Variants in SHISA9 observed in about 807,000 individuals in gnomAD.
SHISA9 encodes the protein shisa family member 9, also known as protein shisa-9.
SHISA9 carries 13 observed loss-of-function variants against 38.0 expected under a neutral mutation model. The observed-to-expected ratio is 0.34, with a 90% CI of 0.22 to 0.54. SHISA9 has a LOEUF of 0.54. Among genes scored for constraint, SHISA9 ranks in the 20% least tolerant of loss-of-function variants. The pLI is 0.91. For missense variants in SHISA9, 538 were observed against 575.8 expected (o/e 0.93, Z 0.67); for synonymous variants, 275 against 242.0 (o/e 1.14, Z -1.27).
chr16:13,396,817 G>C, the SHISA9 span, among the ~76,000 whole-genome samples: 1 of 151,930 alleles, frequency 6.6e-6, no homozygotes, highest in Non-Finnish European at 1.5e-5. Flanking sequence ...GTGTCTGGGG[G>C]CACCCTCCCT....
intron 3 of SHISA9, among the ~76,000 whole-genome samples, chr16:13,205,206 G>A (rs1344362234): frequency 6.6e-6 from 1 of 152,224 alleles, no homozygotes; most frequent in Non-Finnish European, 1.5e-5. Flanking sequence ...AAAGCACTCT[G>A]TGGCTGTTTC....
the SHISA9 span, among the ~76,000 whole-genome samples, chr16:13,282,472 T>C: frequency 6.6e-6 from 1 of 152,040 alleles, no homozygotes; most frequent in Non-Finnish European, 1.5e-5. Context: ...TTCCTGAGTG[T>C]GGTTATATTT....
the SHISA9 span, among the ~76,000 whole-genome samples, chr16:13,295,984 G>A: frequency 6.6e-6 from 1 of 152,116 alleles, no homozygotes; most frequent in Non-Finnish European, 1.5e-5. Context: ...CTCTGTATAT[G>A]TCTATTAGCT....
At chr16:13,367,705 C>CGCGCGCGT in the SHISA9 span, among the ~76,000 whole-genome samples, 2 of 96,074 alleles carry the variant, frequency 2.1e-5, no homozygotes, top group African/African-American at 8.3e-5. Flanking sequence ...CGTGCGCGCG[C>CGCGCGCGT]GCGCGCGCAC....
intron 2 of SHISA9, among the ~76,000 whole-genome samples, chr16:13,112,270 T>C (rs538475500): frequency 2.6e-4 from 40 of 151,780 alleles, no homozygotes; most frequent in African/African-American, 9.0e-4. Flanking sequence ...ATTCAATGCA[T>C]ATTTGTTGAA....
intron 2 of SHISA9, among the ~76,000 whole-genome samples, chr16:13,187,380 G>A (rs12928835): frequency 0.12 from 16,707 of 141,558 alleles, 1,016 homozygotes; most frequent in Middle Eastern, 0.21. Flanking sequence ...TATCACCCAG[G>A]CTGGAGTGCA....
the SHISA9 span, among the ~76,000 whole-genome samples, chr16:13,482,970 A>G: frequency 6.6e-6 from 1 of 152,090 alleles, no homozygotes; most frequent in African/African-American, 2.4e-5. Context: ...TCGGAGAAAA[A>G]CTAACTGGAG....
chr16:13,353,135 C>T, the SHISA9 span, among the ~76,000 whole-genome samples: 6 of 151,792 alleles, frequency 4.0e-5, no homozygotes, highest in African/African-American at 9.7e-5. Flanking sequence ...CTGCTTCAAG[C>T]GGGATTGGGG....
chr16:13,130,622 T>C (rs2141986681), intron 2 of SHISA9, among the ~76,000 whole-genome samples: 1 of 152,280 alleles, frequency 6.6e-6, no homozygotes, highest in East Asian at 1.9e-4. Context: ...ACTTTTTATT[T>C]TCATAGGTTT....
chr16:12,907,267 T>C (rs1389839943), intron 1 of SHISA9, among the ~76,000 whole-genome samples: 5 of 137,138 alleles, frequency 3.6e-5, no homozygotes, highest in African/African-American at 1.5e-4. Flanking sequence ...TTCTTCCTTC[T>C]GTCTTCTTCC....
At chr16:12,923,125 C>A (rs184501828) in intron 2 of SHISA9, among the ~76,000 whole-genome samples, 6 of 152,244 alleles carry the variant, frequency 3.9e-5, no homozygotes, top group Admixed American at 3.9e-4. Context: ...AATAAAAAAG[C>A]CCATGGAAGA....
the SHISA9 span, among the ~76,000 whole-genome samples, chr16:13,460,910 C>T: frequency 1.3e-5 from 2 of 152,212 alleles, no homozygotes; most frequent in African/African-American, 2.4e-5. Flanking sequence ...TGCCAACCAG[C>T]CGCTCAGTAT....
rs1177790785 is a variant in SHISA9 at position 12,902,867 on chromosome 16, T to TGTGTGTGTGTGTGA, written c.563+241_563+242insTGTGTGTGTGTGAG. ...GTGTGAGCGTGTGTGTGTGTGTGTG[T>TGTGTGTGTGTGTGA]GACTCTGCTCCCTCACCCTCTGGCC... On this transcript the variant is annotated intron_variant, in intron 1 of 4. Coordinates refer to ENST00000558583, the MANE Select transcript of SHISA9 (RefSeq NM_001145204.3). The TGTGTGTGTGTGTGA allele has an allele frequency of 0.017, 8,802 of 503,048 alleles. 350 individuals carry two copies. In the East Asian group the frequency reaches 0.2, roughly 11 times the overall value. 31.2% of individuals were successfully genotyped at this position (503,048 alleles called of 1,614,324 possible).
chr16:12,914,859 A>G (rs8056916), intron 1 of SHISA9, among the ~76,000 whole-genome samples: 1 of 152,198 alleles, frequency 6.6e-6, no homozygotes, highest in Admixed American at 6.5e-5. Flanking sequence ...ATGGATCTGA[A>G]AATTTGCATC....
the SHISA9 span, among the ~76,000 whole-genome samples, chr16:13,493,882 T>C: frequency 2.0e-5 from 3 of 152,206 alleles, 1 homozygote; most frequent in South Asian, 4.1e-4. Flanking sequence ...AGGAATATAA[T>C]TGGGCAGAGA....
chr16:13,150,060 C>A (rs937451766), intron 2 of SHISA9, among the ~76,000 whole-genome samples: 2 of 133,402 alleles, frequency 1.5e-5, no homozygotes, highest in African/African-American at 5.4e-5. Context: ...AAAAAACTAG[C>A]CTGTTTTTCT....
intron 2 of SHISA9, among the ~76,000 whole-genome samples, chr16:13,076,456 A>G (rs2073583848): frequency 6.6e-6 from 1 of 152,160 alleles, no homozygotes; most frequent in African/African-American, 2.4e-5. Context: ...TGCACTTTTT[A>G]GTTAGCCCAC....
intron 1 of SHISA9, among the ~76,000 whole-genome samples, chr16:12,905,116 C>A (rs2071075607): frequency 1.3e-5 from 2 of 152,174 alleles, no homozygotes; most frequent in African/African-American, 4.8e-5. Flanking sequence ...TGCAGGGAGC[C>A]AGGCACTGTA....
At chr16:13,280,117 C>CTTTTTTTTTTTTTTTTTTTTTTTTTT in the SHISA9 span, among the ~76,000 whole-genome samples, 1 of 102,824 alleles carries the variant, frequency 9.7e-6, no homozygotes. Context: ...CTCTCTTTCT[C>CTTTTTTTTTTTTTTTTTTTTTTTTTT]TTTTTTTTTT....
Sources: gnomAD v4.1 joint callset for allele counts (sites outside exome capture counted in the v4.1 genomes callset) on GRCh38, gnomAD v4.1.1 for gene constraint, MANE v1.5 for transcripts, NCBI Gene and HGNC (gene_info 2026-07-23, HGNC 2026-07-21) for gene names.